The following CHN2 variants were observed in gnomAD, a reference collection of about 807,000 sequenced individuals.
CHN2 encodes beta-chimaerin.
In CHN2, 35 loss-of-function variants were observed where a neutral mutation model predicts 56.3. That is an observed-to-expected ratio of 0.62 (90% CI 0.47 to 0.82). The LOEUF is 0.82. Ranked by LOEUF, CHN2 falls within the 40% of genes least tolerant of loss-of-function variation. CHN2 has a pLI of 0.00. For missense variants in CHN2, 491 were observed against 580.5 expected (o/e 0.85, Z 1.58); for synonymous variants, 210 against 212.8 (o/e 0.99, Z 0.12).
chr7:29,495,834 A>C, intron 7 of CHN2, 118 bp from the exon 8 acceptor site: 1 of 747,918 alleles, frequency 1.3e-6, no homozygotes, highest in Non-Finnish European at 2.3e-6. Context: ...CAACTGCTTT[A>C]CTGGAAGGAA....
At chr7:29,345,615 AG>A (rs1241616240) in intron 1 of CHN2, among the ~76,000 whole-genome samples, 1 of 152,174 alleles carries the variant, frequency 6.6e-6, no homozygotes, top group Non-Finnish European at 1.5e-5. Flanking sequence ...TGCGATGACC[AG>A]GGGATGCTGA....
In CHN2 at chr7:29,429,450, G is replaced by A. The variant is rs528667876; in HGVS notation, c.576+28622G>A. On this transcript the variant is annotated intron_variant, in intron 6 of 12. Coordinates refer to ENST00000222792, the MANE Select transcript of CHN2 (RefSeq NM_004067.4). ...GACTCTTTTGTTTGTTTTGTTTTTG[G>A]TTCGCTTTGATATCTGATACCAATT... Among the ~76,000 whole-genome samples the A allele has an allele frequency of 4.6e-5, 7 of 152,206 alleles. No individual in the cohort carries two copies. The East Asian group carries it at 1.4e-3, about 29-fold the overall frequency.
intron 1 of CHN2, among the ~76,000 whole-genome samples, chr7:29,291,639 A>G (rs1293189456): frequency 6.6e-6 from 1 of 152,120 alleles, no homozygotes; most frequent in African/African-American, 2.4e-5. Flanking sequence ...TAACCAGTCA[A>G]CTATTGTTAC....
intron 1 of CHN2, chr7:29,195,203 A>G (rs949212132): frequency 6.1e-6 from 3 of 491,028 alleles, no homozygotes; most frequent in Non-Finnish European, 1.1e-5. Flanking sequence ...GAGGTGGGAG[A>G]GCGGTGGTGC....
chr7:29,166,079 G>A (rs1245037157), intron 2 of CHN2, among the ~76,000 whole-genome samples: 1 of 152,152 alleles, frequency 6.6e-6, no homozygotes, highest in Non-Finnish European at 1.5e-5. Flanking sequence ...TGCCTAGGCT[G>A]GAGTGCAGTG....
At chr7:29,265,458 G>A (rs1790062671) in intron 1 of CHN2, among the ~76,000 whole-genome samples, 1 of 152,184 alleles carries the variant, frequency 6.6e-6, no homozygotes, top group Non-Finnish European at 1.5e-5. Context: ...CCTCCTTAAG[G>A]CCCCTGAAGC....
chr7:29,277,180 G>A (rs1562884890), intron 1 of CHN2, among the ~76,000 whole-genome samples: 1 of 152,182 alleles, frequency 6.6e-6, no homozygotes, highest in Non-Finnish European at 1.5e-5. Context: ...CACCCCAGAT[G>A]CAGATCATTA....
intron 1 of CHN2, among the ~76,000 whole-genome samples, chr7:29,338,131 C>T (rs1262203033): frequency 6.6e-6 from 1 of 152,158 alleles, no homozygotes; most frequent in Non-Finnish European, 1.5e-5. Context: ...AATGTTGTGA[C>T]ATAAATGAGT....
intron 3 of CHN2, among the ~76,000 whole-genome samples, chr7:29,389,182 C>T (rs957459773): frequency 7.9e-5 from 12 of 152,096 alleles, no homozygotes; most frequent in Non-Finnish European, 1.6e-4. Flanking sequence ...GTGCTGGGAA[C>T]GTCTCTTCTA....
At chr7:29,307,892 G>C (rs957136931) in intron 1 of CHN2, among the ~76,000 whole-genome samples, 2 of 152,106 alleles carry the variant, frequency 1.3e-5, no homozygotes, top group African/African-American at 2.4e-5. Context: ...GACCTATTTT[G>C]AATTTTTGAC....
At chr7:29,176,475 A>G (rs985367083) in intron 2 of CHN2, among the ~76,000 whole-genome samples, 2 of 152,210 alleles carry the variant, frequency 1.3e-5, no homozygotes, top group African/African-American at 4.8e-5. Context: ...ATGTCTCTTC[A>G]AATTGCTGAA....
chr7:29,302,500 C>CTTTTTT lies in CHN2; in HGVS notation c.50-52108_50-52103dup, dbSNP rs70980525. 9.3e-5 allele frequency among the ~76,000 whole-genome samples: 11 copies of CTTTTTT among 117,782 alleles called. 1 individual carries two copies. Among genetic ancestry groups the CTTTTTT allele is most frequent in the African/African-American group, 3.0e-4 (9 of 29,746 alleles). The allele number at this position is 117,782 out of a possible 152,430, so 77.3% of individuals were successfully genotyped here. ...CATCACACCCAGCTAAATTTTAATT[C>CTTTTTT]TTTTTTTTTTTTTTTTTTTTTTAAG... On this transcript the variant is annotated intron_variant, in intron 1 of 12. Coordinates refer to ENST00000222792, the MANE Select transcript of CHN2 (RefSeq NM_004067.4).
chr7:29,403,473 T>C (rs1179992798), intron 6 of CHN2, among the ~76,000 whole-genome samples: 1 of 152,230 alleles, frequency 6.6e-6, no homozygotes, highest in Non-Finnish European at 1.5e-5. Context: ...ATTTGTTTTA[T>C]TGATCGTTTC....
At chr7:29,259,797 G>A (rs189588041) in intron 1 of CHN2, among the ~76,000 whole-genome samples, 6 of 152,138 alleles carry the variant, frequency 3.9e-5, no homozygotes, top group African/African-American at 9.6e-5. Context: ...TAATAATTTC[G>A]CTATGTATAC....
intron 1 of CHN2, among the ~76,000 whole-genome samples, chr7:29,252,090 C>T (rs759117807): frequency 2.5e-4 from 38 of 152,036 alleles, no homozygotes; most frequent in Admixed American, 5.2e-4. Context: ...AATAATGTCC[C>T]CCCAAATTTA....
chr7:29,477,724 T>C (rs747067868), intron 6 of CHN2, among the ~76,000 whole-genome samples: 3 of 152,254 alleles, frequency 2.0e-5, no homozygotes, highest in Non-Finnish European at 4.4e-5. Flanking sequence ...CCAAGGGGCC[T>C]GGTGAAGCCC....
chr7:29,211,173 C>G (rs1452589272), intron 1 of CHN2, among the ~76,000 whole-genome samples: 5 of 151,882 alleles, frequency 3.3e-5, no homozygotes, highest in African/African-American at 1.2e-4. Context: ...CGGGTTCACG[C>G]CATTCTCCTG....
chr7:29,217,435 C>G (rs144708664), intron 1 of CHN2, among the ~76,000 whole-genome samples: 159 of 152,244 alleles, frequency 1.0e-3, no homozygotes, highest in African/African-American at 3.6e-3. Flanking sequence ...AAATCATGAC[C>G]TGCGTTAAAA....
chr7:29,391,787 C>G (rs145983221), intron 3 of CHN2, among the ~76,000 whole-genome samples: 194 of 152,330 alleles, frequency 1.3e-3, no homozygotes, highest in Middle Eastern at 3.4e-3. Context: ...TTACTTCATG[C>G]ACATGGCTGG....
Sources: gnomAD v4.1 joint callset for allele counts (sites outside exome capture counted in the v4.1 genomes callset) on GRCh38, gnomAD v4.1.1 for gene constraint, MANE v1.5 for transcripts, NCBI Gene and HGNC (gene_info 2026-07-23, HGNC 2026-07-21) for gene names.